The following TRUB1 variants were observed in gnomAD, a reference collection of about 807,000 sequenced individuals.
TRUB1 encodes the protein TruB pseudouridine synthase family member 1.
A neutral mutation model predicts 33.9 loss-of-function variants in TRUB1; 23 were observed. That is an observed-to-expected ratio of 0.68 (90% CI 0.49 to 0.96). The LOEUF (loss-of-function observed/expected upper bound fraction) is 0.96, where lower values mean the gene tolerates loss of function less well. Ranked by LOEUF, TRUB1 falls within the 40% of genes least tolerant of loss-of-function variation. TRUB1 has a pLI of 0.00. For missense variants in TRUB1, 378 were observed against 422.2 expected (o/e 0.90, Z 0.92); for synonymous variants, 163 against 165.4 (o/e 0.99, Z 0.11).
At position 114,976,619 on chromosome 10, in the gene TRUB1, A is replaced by ACATATGC. The variant is rs1409373780; in HGVS notation, c.*1240_*1241insCATATGC. ...TGTTTATGCTTTGCCTTTCTTTTTA[A>ACATATGC]AGGTGTTTTCCTGCTTTGTAGTCTC... On this transcript the variant is annotated 3_prime_UTR_variant, in exon 8 of 8. Transcript: ENST00000298746. The ACATATGC allele has an allele frequency of 6.6e-6, 1 of 152,144 alleles. No homozygotes were observed. Among genetic ancestry groups the ACATATGC allele is most frequent in the Non-Finnish European group, 1.5e-5 (1 of 68,008 alleles). 9.4% of individuals were successfully genotyped at this position (152,144 alleles called of 1,614,324 possible). A position where few individuals can be genotyped will look rare whatever the true frequency, so the allele number is the denominator to read the frequency against.
At chr10:114,957,056 A>G (rs1173211279) in intron 3 of TRUB1, among the ~76,000 whole-genome samples, 1 of 152,216 alleles carries the variant, frequency 6.6e-6, no homozygotes, top group Non-Finnish European at 1.5e-5. Context: ...CTATGGTGAA[A>G]TGTGAAGAAT....
chr10:114,956,945 A>G (rs1024627203), intron 3 of TRUB1, among the ~76,000 whole-genome samples: 4 of 152,178 alleles, frequency 2.6e-5, no homozygotes, highest in Non-Finnish European at 5.9e-5. Context: ...TGATTTAGAT[A>G]TTGTCTCCCC....
At chr10:114,959,090 C>T (rs541167976) in intron 3 of TRUB1, among the ~76,000 whole-genome samples, 3 of 152,258 alleles carry the variant, frequency 2.0e-5, no homozygotes, top group African/African-American at 7.2e-5. Context: ...GAGCCGAGAT[C>T]GCACCACTGC....
At chr10:114,953,548 C>CTAAG (rs145594194) in intron 3 of TRUB1, among the ~76,000 whole-genome samples, 3,290 of 151,862 alleles carry the variant, frequency 0.022, 50 homozygotes, top group Non-Finnish European at 0.031. Flanking sequence ...ATTTTTTTGA[C>CTAAG]TAAGACCCAT....
Position 114,975,231 on chromosome 10 carries a change from C to T in TRUB1, c.902C>T (p.Ala301Val), listed in dbSNP as rs1440029032. The T allele has an allele frequency of 6.2e-7, 1 of 1,613,664 alleles. No homozygotes were observed. Among genetic ancestry groups the T allele is most frequent in the Admixed American group, 1.7e-5 (1 of 59,976 alleles). The part of the protein sequence containing the change: ...PEDKWTIDDI[A>V]QSLEHCSSLF... ...GACAAATGGACAATTGATGACATTG[C>T]ACAGTCTCTTGAGCATTGCTCATCT... Residue 301 changes from alanine to valine, a missense_variant, in exon 8 of 8, where the codon GCA becomes GTA. Physicochemically the swap from Ala to Val is moderately conservative, Grantham distance 64. Transcript: ENST00000298746.
At chr10:114,952,237 G>A (rs985538871) in intron 3 of TRUB1, among the ~76,000 whole-genome samples, 9 of 151,624 alleles carry the variant, frequency 5.9e-5, no homozygotes, top group African/African-American at 2.0e-4. Context: ...TCAGGATTTC[G>A]AGACCAGCCT....
At position 114,938,292 on chromosome 10, in the gene TRUB1, T is replaced by C. The variant is rs2084168686; in HGVS notation, c.39T>C (p.Ser13=). Residue 13 remains serine, a synonymous_variant, in exon 1 of 8, where the codon TCT becomes TCC. Coordinates refer to ENST00000298746, the MANE Select transcript of TRUB1 (RefSeq NM_139169.5). ...ASEAAVVSSP[S]LKTDTSPVLE... is the part of the protein sequence containing the mutation. The stretch of plus-strand genomic sequence containing the variant: ...AGGCGGCGGTGGTGTCTTCGCCGTC[T>C]TTGAAAACAGACACATCCCCTGTCC... 1 of 1,614,004 alleles carries C rather than the reference T, an allele frequency of 6.2e-7. No individual in the cohort carries two copies. Among genetic ancestry groups the C allele is most frequent in the Admixed American group, 1.7e-5 (1 of 59,988 alleles).
At chr10:114,940,843 A>G (rs1293405584) in intron 1 of TRUB1, among the ~76,000 whole-genome samples, 1 of 152,170 alleles carries the variant, frequency 6.6e-6, no homozygotes, top group Non-Finnish European at 1.5e-5. Flanking sequence ...TGACAGATCA[A>G]GGGTTTGAAA....
chr10:114,970,932 A>G (rs932035922), intron 5 of TRUB1, among the ~76,000 whole-genome samples: 1 of 152,210 alleles, frequency 6.6e-6, no homozygotes, highest in Non-Finnish European at 1.5e-5. Flanking sequence ...AAATACAAGT[A>G]TATTGCTTTA....
intron 7 of TRUB1, 58 bp downstream of exon 7, chr10:114,974,443 G>A (rs1592055441): frequency 2.1e-6 from 3 of 1,444,324 alleles, no homozygotes; most frequent in Non-Finnish European, 1.9e-6. Flanking sequence ...CTTTTCAATT[G>A]GAAGAGGGAA....
intron 2 of TRUB1, among the ~76,000 whole-genome samples, chr10:114,945,436 G>C (rs544050478): frequency 6.6e-6 from 1 of 152,330 alleles, no homozygotes; most frequent in South Asian, 2.1e-4. Flanking sequence ...CAAGGAAAGA[G>C]AGGATCAGAT....
chr10:114,965,416 A>T (rs2084303219), intron 4 of TRUB1, among the ~76,000 whole-genome samples: 1 of 152,012 alleles, frequency 6.6e-6, no homozygotes, highest in South Asian at 2.1e-4. Context: ...AATAAACCCA[A>T]CTTAGTTGTA....
chr10:114,960,111 C>T lies in TRUB1; in HGVS notation c.523+304C>T, dbSNP rs578044671. 1.2e-3 allele frequency: 316 copies of T among 269,644 alleles called. 6 individuals are homozygous for T. The South Asian group carries it at 0.019, about 16-fold the overall frequency. 16.7% of individuals were successfully genotyped at this position (269,644 alleles called of 1,614,324 possible). On this transcript the variant is annotated intron_variant, in intron 4 of 7. Coordinates refer to ENST00000298746, the MANE Select transcript of TRUB1 (RefSeq NM_139169.5). ...GATTTAGGTTATTTTCCCTAGTAAACGAGAAACAAAGCAGAGATACTCTGT... is the reference window on the plus strand; with the variant it reads ...GATTTAGGTTATTTTCCCTAGTAAATGAGAAACAAAGCAGAGATACTCTGT...
intron 4 of TRUB1, among the ~76,000 whole-genome samples, chr10:114,962,075 G>A (rs1174017092): frequency 1.3e-5 from 2 of 152,214 alleles, no homozygotes; most frequent in Non-Finnish European, 2.9e-5. Context: ...TAAGCACACA[G>A]ATATTAGCAG....
chr10:114,946,620 G>A (rs1018551816), intron 2 of TRUB1, among the ~76,000 whole-genome samples: 17 of 152,122 alleles, frequency 1.1e-4, no homozygotes, highest in South Asian at 4.1e-4. Flanking sequence ...GGGATTACAG[G>A]TGTGAGCCAC....
At chr10:114,959,005 G>A (rs1157609481) in intron 3 of TRUB1, among the ~76,000 whole-genome samples, 34 of 151,978 alleles carry the variant, frequency 2.2e-4, no homozygotes, top group East Asian at 1.9e-4. Flanking sequence ...GCGTGGTGGC[G>A]GGTGCCTGTA....
chr10:114,951,704 T>G (rs1283271972), intron 3 of TRUB1, among the ~76,000 whole-genome samples: 1 of 152,152 alleles, frequency 6.6e-6, no homozygotes, highest in Non-Finnish European at 1.5e-5. Flanking sequence ...TGGAAAGCTG[T>G]GAACTGCTGG....
intron 3 of TRUB1, among the ~76,000 whole-genome samples, chr10:114,955,240 C>G (rs1197382649): frequency 6.6e-6 from 1 of 152,178 alleles, no homozygotes; most frequent in East Asian, 1.9e-4. Flanking sequence ...CCTCTTATAT[C>G]TTCCCTAAAT....
chr10:114,944,906 G>A (rs990174902), intron 2 of TRUB1, among the ~76,000 whole-genome samples: 2 of 152,056 alleles, frequency 1.3e-5, no homozygotes, highest in Non-Finnish European at 2.9e-5. Context: ...GATCACTGGA[G>A]CCTGGGAAGT....
Sources: allele counts gnomAD v4.1 joint callset (sites outside exome capture counted in the v4.1 genomes callset), GRCh38; gene constraint gnomAD v4.1.1; transcripts MANE v1.5; gene names NCBI Gene and HGNC (gene_info 2026-07-23, HGNC 2026-07-21).